The following GPC6 variants were observed in gnomAD, a reference collection of about 807,000 sequenced individuals.
GPC6 encodes the protein glypican 6, also known as glypican-6.
GPC6 carries 14 observed loss-of-function variants against 55.2 expected under a neutral mutation model. The observed-to-expected ratio is 0.25, with a 90% CI of 0.17 to 0.40. GPC6 has a LOEUF of 0.40. Ranked by LOEUF, GPC6 falls within the 10% of genes least tolerant of loss-of-function variation. The pLI, the probability that GPC6 is intolerant of heterozygous loss-of-function variation, is 1.00. For missense variants in GPC6, 641 were observed against 708.5 expected (o/e 0.90, Z 1.08); for synonymous variants, 278 against 259.6 (o/e 1.07, Z -0.68).
chr13:93,312,410 T>A (rs1203460777), intron 1 of GPC6, among the ~76,000 whole-genome samples: 1 of 152,122 alleles, frequency 6.6e-6, no homozygotes, highest in Non-Finnish European at 1.5e-5. Context: ...TATTTTGAGT[T>A]TTAAATTATC....
At chr13:93,226,307 G>A (rs1231577199), upstream of GPC6, among the ~76,000 whole-genome samples, 1 of 152,090 alleles carries the variant, frequency 6.6e-6, no homozygotes, top group Non-Finnish European at 1.5e-5. Flanking sequence ...CTGATCGAAG[G>A]CTATGAGATA....
intron 2 of GPC6, among the ~76,000 whole-genome samples, chr13:93,778,804 T>C (rs957456204): frequency 1.3e-5 from 2 of 152,152 alleles, no homozygotes; most frequent in African/African-American, 4.8e-5. Flanking sequence ...GTCTTTCCCA[T>C]GGGAAAATAT....
At chr13:93,723,142 C>G (rs1332399374) in intron 2 of GPC6, among the ~76,000 whole-genome samples, 2 of 151,918 alleles carry the variant, frequency 1.3e-5, no homozygotes, top group Non-Finnish European at 2.9e-5. Context: ...TATAAGGATG[C>G]TTTACTTTTT....
chr13:93,691,585 T>C (rs1407975183), intron 2 of GPC6, among the ~76,000 whole-genome samples: 1 of 151,998 alleles, frequency 6.6e-6, no homozygotes, highest in Non-Finnish European at 1.5e-5. Flanking sequence ...AACACTTTTT[T>C]CAGATTCATA....
At chr13:93,470,127 C>G (rs75665523) in intron 1 of GPC6, among the ~76,000 whole-genome samples, 2 of 151,946 alleles carry the variant, frequency 1.3e-5, no homozygotes, top group East Asian at 1.9e-4. Context: ...ATTTTAAAAT[C>G]AGCTTGTCTA....
chr13:93,632,907 T>A (rs1233317352), intron 2 of GPC6, among the ~76,000 whole-genome samples: 1 of 152,138 alleles, frequency 6.6e-6, no homozygotes, highest in Non-Finnish European at 1.5e-5. Context: ...TATTTAGTTC[T>A]GAGTTTAGAT....
intron 2 of GPC6, among the ~76,000 whole-genome samples, chr13:93,560,791 C>T (rs1875742277): frequency 6.6e-6 from 1 of 151,098 alleles, no homozygotes; most frequent in South Asian, 2.1e-4. Flanking sequence ...AAGAATTTTG[C>T]TCAATATCCA....
At chr13:93,897,585 T>G (rs1876088312) in intron 3 of GPC6, among the ~76,000 whole-genome samples, 1 of 152,154 alleles carries the variant, frequency 6.6e-6, no homozygotes, top group Non-Finnish European at 1.5e-5. Context: ...CACCATATAA[T>G]TTTACATATA....
rs368055442 is a variant in GPC6 at position 94,340,240 on chromosome 13, T to C, written c.1152+34117T>C. Among the ~76,000 whole-genome samples the C allele has an allele frequency of 1.6e-4, 24 of 152,252 alleles. 1 individual carries two copies. Among genetic ancestry groups the C allele is most frequent in the African/African-American group, 5.3e-4 (22 of 41,538 alleles). ...GGGATTTGGGGGAAATCATTTTAATTGTGGAGTAGTCATGCATTACTGGAA... is the reference window on the plus strand; with the variant it reads ...GGGATTTGGGGGAAATCATTTTAATCGTGGAGTAGTCATGCATTACTGGAA... On this transcript the variant is annotated intron_variant, in intron 6 of 8. Coordinates refer to ENST00000377047, the MANE Select transcript of GPC6 (RefSeq NM_005708.5).
chr13:93,424,725 G>C (rs1238004365), intron 1 of GPC6, among the ~76,000 whole-genome samples: 4 of 152,090 alleles, frequency 2.6e-5, no homozygotes, highest in African/African-American at 9.7e-5. Flanking sequence ...GTGTGAGAGA[G>C]AGGTTTTTGG....
chr13:93,584,981 T>C (rs1157768344), intron 2 of GPC6, among the ~76,000 whole-genome samples: 2 of 152,214 alleles, frequency 1.3e-5, no homozygotes, highest in African/African-American at 4.8e-5. Flanking sequence ...TGAGCCACTG[T>C]ACCCGGCCAC....
At chr13:93,912,284 T>G (rs1244729398) in intron 3 of GPC6, among the ~76,000 whole-genome samples, 1 of 152,232 alleles carries the variant, frequency 6.6e-6, no homozygotes, top group Non-Finnish European at 1.5e-5. Flanking sequence ...CTTTCAAAAT[T>G]ACTTTCTTTC....
intron 2 of GPC6, among the ~76,000 whole-genome samples, chr13:93,612,453 T>C (rs1878514635): frequency 6.7e-6 from 1 of 149,790 alleles, no homozygotes; most frequent in African/African-American, 2.5e-5. Flanking sequence ...GAGCCAAGAT[T>C]GCGCCACTGC....
Position 93,715,218 on chromosome 13 carries a change from C to T in GPC6, c.320-114936C>T, listed in dbSNP as rs117260270. Among the ~76,000 whole-genome samples the T allele has an allele frequency of 5.1e-3, 780 of 151,762 alleles. 11 individuals are homozygous for T. Among genetic ancestry groups the T allele is most frequent in the Admixed American group, 0.034 (513 of 15,182 alleles). On this transcript the variant is annotated intron_variant, in intron 2 of 8. Transcript: ENST00000377047. ...AACACGTGGAGTCAACTTAGATGCCCATCAACGGTAGACTGGATAAAGGAA... is the reference window on the plus strand; with the variant it reads ...AACACGTGGAGTCAACTTAGATGCCTATCAACGGTAGACTGGATAAAGGAA...
chr13:93,745,049 C>G (rs1018455390), intron 2 of GPC6, among the ~76,000 whole-genome samples: 1 of 152,128 alleles, frequency 6.6e-6, no homozygotes, highest in African/African-American at 2.4e-5. Context: ...CAACTCCAAT[C>G]TGAGCTCAGG....
chr13:93,319,348 G>A (rs1879350966), intron 1 of GPC6, among the ~76,000 whole-genome samples: 1 of 152,058 alleles, frequency 6.6e-6, no homozygotes, highest in African/African-American at 2.4e-5. Context: ...CCACAAGAAG[G>A]GGAAAAACCC....
At chr13:94,281,326 G>A (rs919037482) in intron 4 of GPC6, among the ~76,000 whole-genome samples, 3 of 152,034 alleles carry the variant, frequency 2.0e-5, no homozygotes, top group African/African-American at 7.2e-5. Context: ...TTACGTATTT[G>A]TCCTAATGCT....
intron 1 of GPC6, among the ~76,000 whole-genome samples, chr13:93,433,899 G>A (rs56413109): frequency 0.035 from 5,332 of 152,212 alleles, 311 homozygotes; most frequent in African/African-American, 0.12. Flanking sequence ...ATGCCACTCC[G>A]GATCCAAACT....
intron 3 of GPC6, among the ~76,000 whole-genome samples, chr13:93,997,546 T>C (rs917743168): frequency 1.8e-4 from 28 of 151,574 alleles, no homozygotes; most frequent in African/African-American, 6.3e-4. Context: ...ACCTCTTTTC[T>C]TGTCCATTAT....
Sources: allele counts gnomAD v4.1 joint callset (sites outside exome capture counted in the v4.1 genomes callset), GRCh38; gene constraint gnomAD v4.1.1; transcripts MANE v1.5; gene names NCBI Gene and HGNC (gene_info 2026-07-23, HGNC 2026-07-21).